The following XG variants were observed in gnomAD, a reference collection of about 807,000 sequenced individuals.
The protein encoded by XG is glycoprotein Xg.
XG carries 24 observed loss-of-function variants against 25.7 expected under a neutral mutation model. The ratio of observed to expected loss-of-function variants is 0.93; its 90% CI spans 0.68 to 1.31. XG has a LOEUF of 1.31. Among genes scored for constraint, XG ranks in the 40% most tolerant of loss-of-function variants. The pLI is 0.00. For missense variants in XG, 181 were observed against 187.6 expected (o/e 0.96, Z 0.21); for synonymous variants, 77 against 69.2 (o/e 1.11, Z -0.56).
intron 4 of XG, among the ~76,000 whole-genome samples, chrX:2,783,488 G>A (rs1231161622): frequency 8.9e-6 from 1 of 112,704 alleles, no homozygotes; most frequent in Non-Finnish European, 1.9e-5. Flanking sequence ...AGGCAGAGCA[G>A]CGTGAAGCTG....
chrX:2,765,168 A>C (rs1369366882), intron 1 of XG, among the ~76,000 whole-genome samples: 1 of 151,728 alleles, frequency 6.6e-6, no homozygotes, highest in Non-Finnish European at 1.5e-5. Context: ...CAACATGGTG[A>C]AACCCCATCT....
At chrX:2,767,260 T>G (rs1222829615) in intron 1 of XG, among the ~76,000 whole-genome samples, 2 of 152,112 alleles carry the variant, frequency 1.3e-5, no homozygotes, top group African/African-American at 4.8e-5. Flanking sequence ...TGCTTCAAAG[T>G]GCTGTATCAC....
chrX:2,788,118 T>C (rs965435427), intron 4 of XG, among the ~76,000 whole-genome samples: 1 of 111,060 alleles, frequency 9.0e-6, no homozygotes, highest in Non-Finnish European at 1.9e-5. Flanking sequence ...GAGAGACTAT[T>C]TTGAGAAGTG....
At chrX:2,773,048 G>C (rs2535441) in intron 2 of XG, among the ~76,000 whole-genome samples, 1 of 144,542 alleles carries the variant, frequency 6.9e-6, no homozygotes, top group African/African-American at 2.6e-5. Flanking sequence ...TTTTAAAAAG[G>C]AGACAGAGAA....
At chrX:2,807,483 T>C (rs140901983) in intron 8 of XG, among the ~76,000 whole-genome samples, 1 of 109,006 alleles carries the variant, frequency 9.2e-6, no homozygotes, top group Non-Finnish European at 1.9e-5. Context: ...TACATGCATG[T>C]GTTTATGCAT....
chrX:2,775,611 G>A (rs1369733551), intron 3 of XG, among the ~76,000 whole-genome samples: 1 of 152,088 alleles, frequency 6.6e-6, no homozygotes, highest in African/African-American at 2.4e-5. Context: ...CTTTTAAATG[G>A]TTAATTATAT....
chrX:2,782,127 A>C lies in XG; in HGVS notation c.189A>C (p.Gly63=). 1.7e-6 allele frequency: 2 copies of C among 1,211,673 alleles called. No homozygotes were observed. Among genetic ancestry groups the C allele is most frequent in the Non-Finnish European group, 2.2e-6 (2 of 895,188 alleles). The change falls in exon 4 of 11, where the codon GGA becomes GGC. Residue 63 remains glycine, a splice_region_variant and synonymous_variant. Transcript: ENST00000644266. ...AGCCCGAGAATCCCGACAGCGGTGG[A>C]AGTAAGAATCCGCAGGCCTGAAACT... ...YPQPENPDSG[G]NIYPRPKPRP...
At chrX:2,776,662 G>A (rs762245514) in intron 3 of XG, among the ~76,000 whole-genome samples, 9 of 151,034 alleles carry the variant, frequency 6.0e-5, no homozygotes, top group African/African-American at 2.2e-4. Context: ...GGGCATTACA[G>A]GTGAAACCCC....
intron 6 of XG, among the ~76,000 whole-genome samples, chrX:2,796,266 TATAA>T (rs978155563): frequency 2.8e-5 from 3 of 107,698 alleles, no homozygotes; most frequent in African/African-American, 1.0e-4. Flanking sequence ...AAATATCTTA[TATAA>T]ATATATATTT....
At chrX:2,766,880 A>G (rs1238280988) in intron 1 of XG, among the ~76,000 whole-genome samples, 1 of 151,972 alleles carries the variant, frequency 6.6e-6, no homozygotes, top group Admixed American at 6.6e-5. Flanking sequence ...CACTCTTTAT[A>G]CAGATAGGAT....
At chrX:2,807,595 G>A (rs992181680) in intron 8 of XG, among the ~76,000 whole-genome samples, 6 of 112,591 alleles carry the variant, frequency 5.3e-5, no homozygotes, top group African/African-American at 1.9e-4. Flanking sequence ...TGTTGCCTGT[G>A]TGTGTGGTAT....
intron 5 of XG, 102 bp from the exon 6 acceptor site, chrX:2,794,433 C>G: frequency 1.1e-6 from 1 of 917,827 alleles, no homozygotes; most frequent in Non-Finnish European, 1.5e-6. Flanking sequence ...GGCGTCGGAA[C>G]GCTCTTCTCC....
chrX:2,791,920 T>A (rs1318833233), intron 5 of XG, among the ~76,000 whole-genome samples: 2 of 111,014 alleles, frequency 1.8e-5, no homozygotes, highest in African/African-American at 6.5e-5. Context: ...GGCTCTGGTC[T>A]TGTGATTCAT....
intron 3 of XG, among the ~76,000 whole-genome samples, chrX:2,775,493 C>T (rs1291420561): frequency 6.6e-6 from 1 of 152,126 alleles, no homozygotes; most frequent in African/African-American, 2.4e-5. Context: ...AGAGTGACTG[C>T]TTGATAAATT....
At chrX:2,768,843 G>T (rs1446997187) in intron 1 of XG, among the ~76,000 whole-genome samples, 1 of 152,146 alleles carries the variant, frequency 6.6e-6, no homozygotes, top group Non-Finnish European at 1.5e-5. Flanking sequence ...AGATTTGCTG[G>T]GTTGTTCTTA....
intron 1 of XG, among the ~76,000 whole-genome samples, chrX:2,769,531 C>T (rs35697189): frequency 0.2 from 30,072 of 152,122 alleles, 3,291 homozygotes; most frequent in South Asian, 0.37. Flanking sequence ...TAAGTGCTGA[C>T]TCAATGTGCT....
At chrX:2,804,794 C>G (rs1487308584) in intron 7 of XG, among the ~76,000 whole-genome samples, 1 of 111,370 alleles carries the variant, frequency 9.0e-6, no homozygotes, top group Admixed American at 9.6e-5. Flanking sequence ...CCGAATGGAT[C>G]AAAGCTTACT....
At chrX:2,774,456 ACTTGT>A (rs1455578527) in intron 2 of XG, among the ~76,000 whole-genome samples, 1 of 151,656 alleles carries the variant, frequency 6.6e-6, no homozygotes, top group Non-Finnish European at 1.5e-5. Flanking sequence ...TGGCTCACTT[ACTTGT>A]CTTGGATGTT....
chrX:2,811,494 T>A, intron 10 of XG, 42 bp downstream of exon 10: 1 of 959,289 alleles, frequency 1.0e-6, no homozygotes, highest in Admixed American at 3.8e-5. Context: ...TTACTAAGCC[T>A]GATTTAAAAA....
Sources: gnomAD v4.1 joint callset for allele counts (sites outside exome capture counted in the v4.1 genomes callset) on GRCh38, gnomAD v4.1.1 for gene constraint, MANE v1.5 for transcripts, NCBI Gene and HGNC (gene_info 2026-07-23, HGNC 2026-07-21) for gene names.